SNX13: variants seen among roughly 807,000 people sequenced by gnomAD.
The protein encoded by SNX13 is sorting nexin 13, also known as sorting nexin-13.
Under a neutral mutation model 133.6 loss-of-function variants are expected in SNX13, and 45 were observed. The ratio of observed to expected loss-of-function variants is 0.34; its 90% CI spans 0.27 to 0.43. The LOEUF (loss-of-function observed/expected upper bound fraction) is 0.43, where lower values mean the gene tolerates loss of function less well. Among genes scored for constraint, SNX13 ranks in the 20% least tolerant of loss-of-function variants. The pLI, the probability that SNX13 is intolerant of heterozygous loss-of-function variation, is 1.00. For missense variants in SNX13, 1,032 were observed against 1,145.1 expected, an observed-to-expected ratio of 0.90 and a Z score of 1.43; for synonymous variants, 414 against 373.9, an observed-to-expected ratio of 1.11 and a Z score of -1.24.
At chr7:17,827,077 T>C (rs761285193) in intron 16 of SNX13, among the ~76,000 whole-genome samples, 2 of 152,204 alleles carry the variant, frequency 1.3e-5, no homozygotes, top group South Asian at 2.1e-4. Flanking sequence ...ATGTGCTATA[T>C]AATCTGCCTC....
rs767000249 is a variant in SNX13, at chr7:17,803,526, C to A, written c.2119G>T (p.Val707Phe). ...RNSMRNVSNA[V>F]KSLPDSLAEG... Reference sequence around the variant, plus strand: ...GCCAAGCTATCAGGAAGGGATTTAACTGCATTTGAAACATTCCTCATTGAA... The same window carrying A: ...GCCAAGCTATCAGGAAGGGATTTAAATGCATTTGAAACATTCCTCATTGAA... Residue 707 changes from valine (V) to phenylalanine (F), a missense_variant, in exon 21 of 26, where the codon GTT becomes TTT. Coordinates refer to ENST00000428135, the MANE Select transcript of SNX13 (RefSeq NM_015132.5). The A allele has an allele frequency of 3.9e-5, 63 of 1,612,152 alleles. No homozygotes were observed. The highest frequency in any genetic ancestry group is 5.2e-5 in the Non-Finnish European group (61 of 1,179,188).
At chr7:17,801,158 T>C (rs535012538) in intron 22 of SNX13, among the ~76,000 whole-genome samples, 1 of 150,584 alleles carries the variant, frequency 6.6e-6, no homozygotes, top group South Asian at 2.1e-4. Flanking sequence ...ATATAACAAA[T>C]AGATTGTACT....
chr7:17,879,149 C>T (rs1015371749), intron 5 of SNX13, among the ~76,000 whole-genome samples: 7 of 152,168 alleles, frequency 4.6e-5, no homozygotes, highest in Admixed American at 4.6e-4. Context: ...GCTGTTAGAA[C>T]ATTAATCTCA....
chr7:17,856,253 T>A (rs559471417), intron 9 of SNX13, among the ~76,000 whole-genome samples: 1 of 152,354 alleles, frequency 6.6e-6, no homozygotes, highest in African/African-American at 2.4e-5. Flanking sequence ...CAGTTCAAAA[T>A]AACTTGTTAT....
At chr7:17,922,782 A>G (rs1184487586) in intron 1 of SNX13, among the ~76,000 whole-genome samples, 1 of 152,214 alleles carries the variant, frequency 6.6e-6, no homozygotes, top group African/African-American at 2.4e-5. Flanking sequence ...AGAGAAAATT[A>G]TCAAGGCAGA....
intron 1 of SNX13, among the ~76,000 whole-genome samples, chr7:17,906,090 A>G (rs1327353800): frequency 6.6e-6 from 1 of 152,222 alleles, no homozygotes; most frequent in Admixed American, 6.5e-5. Flanking sequence ...GAGTTTCCAA[A>G]AAGTAATTTT....
At chr7:17,854,857 C>T (rs969138097) in intron 9 of SNX13, among the ~76,000 whole-genome samples, 4 of 152,088 alleles carry the variant, frequency 2.6e-5, no homozygotes, top group Admixed American at 1.3e-4. Flanking sequence ...AAAGGAAGAG[C>T]CACATATCTT....
At chr7:17,931,098 T>C (rs1801346013) in intron 1 of SNX13, among the ~76,000 whole-genome samples, 1 of 152,166 alleles carries the variant, frequency 6.6e-6, no homozygotes, top group Admixed American at 6.5e-5. Flanking sequence ...ACTATTGCAA[T>C]ACTTTAAGTG....
At chr7:17,897,291 G>C (rs763377646) in intron 2 of SNX13, 43 bp downstream of exon 2, 4 of 1,107,458 alleles carry the variant, frequency 3.6e-6, no homozygotes, top group African/African-American at 1.6e-5. Context: ...ATTTTAACAA[G>C]ATATGACACA....
intron 9 of SNX13, among the ~76,000 whole-genome samples, chr7:17,856,706 C>T (rs773644961): frequency 4.7e-5 from 7 of 147,722 alleles, no homozygotes; most frequent in Non-Finnish European, 1.0e-4. Flanking sequence ...TTGGGAGGAT[C>T]ACATGAGCCT....
intron 22 of SNX13, among the ~76,000 whole-genome samples, chr7:17,801,139 T>C (rs1048369014): frequency 6.9e-6 from 1 of 145,580 alleles, no homozygotes; most frequent in African/African-American, 2.5e-5. Context: ...CATAGAAGTA[T>C]TATTCATGAT....
intron 20 of SNX13, among the ~76,000 whole-genome samples, chr7:17,805,249 GTGCGTGCGCGCGCGCGCATGCA>G (rs1368696370): frequency 8.2e-6 from 1 of 121,698 alleles, no homozygotes; most frequent in African/African-American, 3.0e-5. Flanking sequence ...GTGTGTGTGT[GTGCGTGCGCGCGCGCGCATGCA>G]TGCACATGTG....
At chr7:17,815,887 A>G (rs1316080657) in intron 19 of SNX13, among the ~76,000 whole-genome samples, 2 of 152,232 alleles carry the variant, frequency 1.3e-5, no homozygotes, top group African/African-American at 4.8e-5. Flanking sequence ...CTTTAAAAAA[A>G]AAATTCAAAT....
intron 16 of SNX13, among the ~76,000 whole-genome samples, chr7:17,827,668 C>T (rs1032499476): frequency 1.3e-5 from 2 of 151,804 alleles, no homozygotes; most frequent in Non-Finnish European, 1.5e-5. Flanking sequence ...GAGACTTTAA[C>T]CATATCAACT....
intron 4 of SNX13, 50 bp from the exon 5 acceptor site, chr7:17,890,534 A>G: frequency 7.0e-7 from 1 of 1,424,270 alleles, no homozygotes; most frequent in Non-Finnish European, 9.5e-7. Flanking sequence ...GGATTTAAAA[A>G]GTTACAGTGG....
intron 1 of SNX13, among the ~76,000 whole-genome samples, chr7:17,936,122 C>T (rs1801994472): frequency 6.6e-6 from 1 of 152,172 alleles, no homozygotes; most frequent in Non-Finnish European, 1.5e-5. Context: ...GGTTAAATGA[C>T]TCTGCAATAT....
At chr7:17,900,495 C>T (rs1797704372) in intron 1 of SNX13, among the ~76,000 whole-genome samples, 1 of 152,232 alleles carries the variant, frequency 6.6e-6, no homozygotes, top group Non-Finnish European at 1.5e-5. Flanking sequence ...CTGCTCTACT[C>T]TACTGCAGGT....
At chr7:17,834,628 G>A (rs1318924533) in intron 14 of SNX13, 133 bp downstream of exon 14, 1 of 493,730 alleles carries the variant, frequency 2.0e-6, no homozygotes, top group Non-Finnish European at 3.5e-6. Context: ...TTCTGGAATT[G>A]AGAAGTATAA....
At position 17,796,829 on chromosome 7, in the gene SNX13, G is replaced by GGCATAATTGCA. The variant is rs1171102491; in HGVS notation, c.2613_2623dup (p.Pro875LeufsTer8). On this transcript the variant is annotated frameshift_variant, in exon 25 of 26. Coordinates refer to ENST00000428135, the MANE Select transcript of SNX13 (RefSeq NM_015132.5). LOFTEE classifies it high-confidence loss of function. ...TTTAACTATACATGCTCACTCACCT[G>GGCATAATTGCA]GCATAATTGCAAGTAATTTCGTTTT... The GGCATAATTGCA allele has an allele frequency of 6.3e-7, 1 of 1,595,430 alleles. No individual in the cohort carries two copies.
Sources: gnomAD v4.1 joint callset for allele counts (sites outside exome capture counted in the v4.1 genomes callset) on GRCh38, gnomAD v4.1.1 for gene constraint, MANE v1.5 for transcripts, NCBI Gene and HGNC (gene_info 2026-07-23, HGNC 2026-07-21) for gene names.